Variants in KISS1R observed in about 807,000 individuals in gnomAD.
KISS1R encodes KISS1 receptor.
KISS1R carries 19 observed loss-of-function variants against 22.0 expected under a neutral mutation model. The ratio of observed to expected loss-of-function variants is 0.86; its 90% CI spans 0.60 to 1.26. The LOEUF is 1.26. Ranked by LOEUF, KISS1R falls within the 50% of genes most tolerant of loss-of-function variation. The pLI, the probability that KISS1R is intolerant of heterozygous loss-of-function variation, is 0.00. For synonymous variants in KISS1R, 302 were observed against 283.9 expected (o/e 1.06, Z -0.64); for missense variants, 653 against 581.9 (o/e 1.12, Z -1.26).
intron 1 of KISS1R, 111 bp from the exon 2 acceptor site, chr19:918,433 T>C (rs2037078662): frequency 1.6e-6 from 2 of 1,264,492 alleles, no homozygotes; most frequent in East Asian, 2.6e-5. Flanking sequence ...CCCTGAGCCA[T>C]CCTGCTGGTC....
rs2037070105 is a variant in KISS1R, at chr19:917,754, C to T, written c.244+8C>T. On this transcript the variant is annotated splice_region_variant and intron_variant, in intron 1 of 4. Transcript: ENST00000234371. The stretch of plus-strand genomic sequence containing the variant: ...TGACCAACTTCTACATCGGTGAGTG[C>T]GGGCGCTGCGCCGCACCTGCTGCCG... 1 of 1,594,386 alleles carries T rather than the reference C, an allele frequency of 6.3e-7. No individual in the cohort carries two copies. Among genetic ancestry groups the T allele is most frequent in the Non-Finnish European group, 8.6e-7 (1 of 1,169,298 alleles).
At position 919,521 on chromosome 19, in the gene KISS1R, C is replaced by A; in HGVS notation, c.401C>A (p.Thr134Asn). 1.3e-6 allele frequency: 2 copies of A among 1,561,436 alleles called. No individual in the cohort carries two copies. The highest frequency in any genetic ancestry group is 1.3e-5 in the African/African-American group (1 of 74,086). Residue 134 changes from threonine (T) to asparagine (N), a missense_variant, in exon 3 of 5, where the codon ACC (threonine) becomes AAC (asparagine). By Grantham distance (65) the Thr-to-Asn change is moderately conservative. Coordinates refer to ENST00000234371, the MANE Select transcript of KISS1R (RefSeq NM_032551.5). Reference protein sequence around the residue: ...VSVQATCATLTAMSVDRWYVT... With the variant: ...VSVQATCATLNAMSVDRWYVT... ...GTGCAGGCCACGTGTGCCACTCTGA[C>A]CGCCATGAGTGTGGACCGCTGGTAC...
At chr19:918,403 G>C (rs2037077474) in intron 1 of KISS1R, 141 bp from the exon 2 acceptor site, 2 of 928,888 alleles carry the variant, frequency 2.2e-6, no homozygotes, top group Non-Finnish European at 3.0e-6. Flanking sequence ...GGCCAGGGGC[G>C]CTGGGGGAGG....
In KISS1R at chr19:920,003, T is replaced by A; in HGVS notation, c.635T>A (p.Leu212Gln). 6.4e-7 allele frequency: 1 copy of A among 1,551,140 alleles called. No homozygotes were observed. The highest frequency in any genetic ancestry group is 8.7e-7 in the Non-Finnish European group (1 of 1,150,724). Residue 212 changes from leucine to glutamine, a missense_variant, in exon 4 of 5, where the codon CTG (leucine) becomes CAG (glutamine). Coordinates refer to ENST00000234371, the MANE Select transcript of KISS1R (RefSeq NM_032551.5). ...TTCGCACTGTACAACCTGCTGGCGCTGTACCTGCTGCCGCTGCTCGCCACC... is the reference window on the plus strand; with the variant it reads ...TTCGCACTGTACAACCTGCTGGCGCAGTACCTGCTGCCGCTGCTCGCCACC... ...RAFALYNLLA[L>Q]YLLPLLATCA... is the part of the protein sequence containing the mutation.
At position 918,555 on chromosome 19, in the gene KISS1R, G is replaced by T; in HGVS notation, c.256G>T (p.Ala86Ser). Reference sequence around the variant, plus strand: ...CATCCCCACCGCAGCCAACCTGGCGGCCACGGACGTGACCTTCCTCCTGTG... The same window carrying T: ...CATCCCCACCGCAGCCAACCTGGCGTCCACGGACGTGACCTTCCTCCTGTG... ...VTNFYIANLA[A>S]TDVTFLLCCV... The change falls in exon 2 of 5, where the codon GCC (alanine) becomes TCC (serine). Residue 86 changes from alanine to serine, a missense_variant. Coordinates refer to ENST00000234371, the MANE Select transcript of KISS1R (RefSeq NM_032551.5). 1 of 1,550,224 alleles carries T rather than the reference G, an allele frequency of 6.5e-7. No homozygotes were observed.
At position 920,977 on chromosome 19, in the gene KISS1R, C is replaced by A; in HGVS notation, c.*229C>A. On this transcript the variant is annotated 3_prime_UTR_variant, in exon 5 of 5. Transcript: ENST00000234371. Reference sequence around the variant, plus strand: ...TGTGTCAACACAGGACTTTCTGGATCATTCCAGAAAGTGTCAGACGTTTTC... The same window carrying A: ...TGTGTCAACACAGGACTTTCTGGATAATTCCAGAAAGTGTCAGACGTTTTC... 8.0e-6 allele frequency: 3 copies of A among 373,420 alleles called. No individual in the cohort carries two copies. Among genetic ancestry groups the A allele is most frequent in the African/African-American group, 2.1e-5 (1 of 47,144 alleles). The allele number at this position is 373,420 out of a possible 1,614,324, so 23.1% of individuals were successfully genotyped here.
At position 920,482 on chromosome 19, in the gene KISS1R, A is replaced by C. The variant is rs770072521; in HGVS notation, c.931A>C (p.Met311Leu). ...AYALKTWAHC[M>L]SYSNSALNPL... ...CGCGCTTAAGACCTGGGCTCACTGC[A>C]TGTCCTACAGCAACTCCGCGCTGAA... The change falls in exon 5 of 5, where the codon ATG (methionine) becomes CTG (leucine). Residue 311 changes from methionine (M) to leucine (L), a missense_variant. Coordinates refer to ENST00000234371, the MANE Select transcript of KISS1R (RefSeq NM_032551.5). 6.2e-7 allele frequency: 1 copy of C among 1,611,066 alleles called. No individual in the cohort carries two copies. The highest frequency in any genetic ancestry group is 8.5e-7 in the Non-Finnish European group (1 of 1,179,158).
Position 918,831 on chromosome 19 carries a change from A to C in KISS1R, c.369+163A>C, listed in dbSNP as rs182909197. Among the ~76,000 whole-genome samples, 1,901 of 102,472 alleles carry C rather than the reference A, an allele frequency of 0.019. 69 individuals are homozygous for C. The highest frequency in any genetic ancestry group is 0.068 in the African/African-American group (1,724 of 25,418). The allele number at this position is 102,472 out of a possible 152,430, so 67.2% of individuals were successfully genotyped here. A position where few individuals can be genotyped will look rare whatever the true frequency, so the allele number is the denominator to read the frequency against. On this transcript the variant is annotated intron_variant, in intron 2 of 4. Transcript: ENST00000234371. ...GACGGGGAGGGGGGGTGCGCTGCGG[A>C]GCAGGAGGGGAGGGAGCGCACGTGG...
Position 920,867 on chromosome 19 carries a change from T to C in KISS1R, c.*119T>C. 3 of 1,171,654 alleles carry C rather than the reference T, an allele frequency of 2.6e-6. No homozygotes were observed. 72.6% of individuals were successfully genotyped at this position (1,171,654 alleles called of 1,614,324 possible). On this transcript the variant is annotated 3_prime_UTR_variant, in exon 5 of 5. Transcript: ENST00000234371. ...AAGATCAACTGTGGAAATATTTTGG[T>C]CTCTTGTGACGTTCGGTGCAGTTTC...
Position 920,746 on chromosome 19 carries a change from T to C in KISS1R, c.1195T>C (p.Ter399ArgextTer?), listed in dbSNP as rs104894702. The change falls in exon 5 of 5, where the codon TGA (stop) becomes CGA (arginine). Residue 399 changes from the stop codon to arginine, a stop_lost. Transcript: ENST00000234371. The stretch of plus-strand genomic sequence containing the variant: ...CCTGGGGGAGGACAACGCCCCTCTC[T>C]GAGCGGACCCGGTGGGAATCCGAGC... ...CVLGEDNAPL[*>R] The C allele has an allele frequency of 7.8e-7, 1 of 1,284,358 alleles. No individual in the cohort carries two copies. The allele number at this position is 1,284,358 out of a possible 1,614,324, so 79.6% of individuals were successfully genotyped here. A position where few individuals can be genotyped will look rare whatever the true frequency, so the allele number is the denominator to read the frequency against.
rs1175945665 is a variant in KISS1R, at chr19:918,116, C to T, written c.244+370C>T. The stretch of plus-strand genomic sequence containing the variant: ...TAGTTTGCGACCCCTGCCCCGGTGG[C>T]TCTCTGAGCCTGTTTATGCATTTGT... On this transcript the variant is annotated intron_variant, in intron 1 of 4. Coordinates refer to ENST00000234371, the MANE Select transcript of KISS1R (RefSeq NM_032551.5). Among the ~76,000 whole-genome samples the T allele has an allele frequency of 2.6e-5, 4 of 152,200 alleles. No individual in the cohort carries two copies. The East Asian group carries it at 7.8e-4, about 30-fold the overall frequency.
intron 3 of KISS1R, 107 bp downstream of exon 3, chr19:919,732 T>G (rs2037098256): frequency 4.0e-6 from 6 of 1,510,758 alleles, no homozygotes; most frequent in Non-Finnish European, 5.3e-6. Flanking sequence ...ATGGGCGCAA[T>G]AGCTCTGCCT....
Position 919,560 on chromosome 19 carries a change from C to CG in KISS1R, c.441dup (p.Leu148ValfsTer46). 1 of 1,559,168 alleles carries CG rather than the reference C, an allele frequency of 6.4e-7. No individual in the cohort carries two copies. The highest frequency in any genetic ancestry group is 1.2e-5 in the South Asian group (1 of 85,252). On this transcript the variant is annotated frameshift_variant, in exon 3 of 5. Transcript: ENST00000234371. LOFTEE classifies it high-confidence loss of function. The stretch of plus-strand genomic sequence containing the variant: ...GACCGCTGGTACGTGACGGTGTTCC[C>CG]GTTGCGCGCCCTGCACCGCCGCACG...
intron 3 of KISS1R, 68 bp from the exon 4 acceptor site, chr19:919,806 C>T: frequency 6.6e-7 from 1 of 1,510,524 alleles, no homozygotes; most frequent in Non-Finnish European, 8.9e-7. Flanking sequence ...GGGTGAACGC[C>T]TCCCGGGGAG....
At position 917,694 on chromosome 19, in the gene KISS1R, C is replaced by G. The variant is rs2037068946; in HGVS notation, c.192C>G (p.Ile64Met). 1.9e-6 allele frequency: 3 copies of G among 1,597,096 alleles called. No homozygotes were observed. The South Asian group carries it at 3.4e-5, about 18-fold the overall frequency. ...LLGLVGNSLV[I>M]YVICRHKPMR... ...GCCTGGTGGGGAACTCGCTGGTCAT[C>G]TACGTCATCTGCCGCCACAAGCCGA... is the stretch of plus-strand genomic sequence containing the variant. The change falls in exon 1 of 5, where the codon ATC becomes ATG. Residue 64 changes from isoleucine (I) to methionine (M), a missense_variant. Physicochemically the swap from Ile to Met is conservative, Grantham distance 10. Coordinates refer to ENST00000234371, the MANE Select transcript of KISS1R (RefSeq NM_032551.5).
chr19:920,268 C>T (rs1247034998), intron 4 of KISS1R, 22 bp from the exon 5 acceptor site: 34 of 1,564,766 alleles, frequency 2.2e-5, no homozygotes, highest in Non-Finnish European at 2.7e-5. Flanking sequence ...TTCGTCTAAC[C>T]ACCTTCACGG....
At chr19:919,432 G>A (rs2037093099) in intron 2 of KISS1R, 58 bp from the exon 3 acceptor site, 3 of 1,534,350 alleles carry the variant, frequency 2.0e-6, no homozygotes, top group African/African-American at 2.7e-5. Context: ...AGGGCGGGCG[G>A]ACAGGGCAGG....
At position 920,078 on chromosome 19, in the gene KISS1R, G is replaced by A. The variant is rs1302076437; in HGVS notation, c.710G>A (p.Arg237His). The change falls in exon 4 of 5, where the codon CGC (arginine) becomes CAC (histidine). Residue 237 changes from arginine to histidine, a missense_variant. Physicochemically the swap from Arg to His is conservative, Grantham distance 29. Transcript: ENST00000234371. The part of the protein sequence containing the change: ...MLRHLGRVAV[R>H]PAPADSALQG... Reference sequence around the variant, plus strand: ...CGCCACCTGGGCCGGGTCGCCGTGCGCCCCGCGCCCGCCGATAGCGCCCTG... The same window carrying A: ...CGCCACCTGGGCCGGGTCGCCGTGCACCCCGCGCCCGCCGATAGCGCCCTG... 2 of 1,496,960 alleles carry A rather than the reference G, an allele frequency of 1.3e-6. No individual in the cohort carries two copies. The highest frequency in any genetic ancestry group is 1.4e-5 in the African/African-American group (1 of 70,748). The allele number at this position is 1,496,960 out of a possible 1,614,324, so 92.7% of individuals were successfully genotyped here.
chr19:919,572 T>A lies in KISS1R; in HGVS notation c.452T>A (p.Leu151Gln). The A allele has an allele frequency of 6.4e-7, 1 of 1,556,412 alleles. No homozygotes were observed. Among genetic ancestry groups the A allele is most frequent in the Non-Finnish European group, 8.7e-7 (1 of 1,154,188 alleles). Residue 151 changes from leucine (L) to glutamine (Q), a missense_variant, in exon 3 of 5, where the codon CTG becomes CAG. By Grantham distance (113) the Leu-to-Gln change is moderately radical. Transcript: ENST00000234371. ...WYVTVFPLRA[L>Q]HRRTPRLALA... The stretch of plus-strand genomic sequence containing the variant: ...GTGACGGTGTTCCCGTTGCGCGCCC[T>A]GCACCGCCGCACGCCCCGCCTGGCG...
Sources: gnomAD v4.1 joint callset for allele counts (sites outside exome capture counted in the v4.1 genomes callset) on GRCh38, gnomAD v4.1.1 for gene constraint, MANE v1.5 for transcripts, NCBI Gene and HGNC (gene_info 2026-07-23, HGNC 2026-07-21) for gene names.